AGK: variants seen among roughly 807,000 people sequenced by gnomAD.
AGK encodes the protein acylglycerol kinase.
Under a neutral mutation model 66.4 loss-of-function variants are expected in AGK, and 52 were observed. The ratio of observed to expected loss-of-function variants is 0.78; its 90% confidence interval spans 0.63 to 0.99. The LOEUF (loss-of-function observed/expected upper bound fraction) is 0.99. AGK is among the 50% of genes least tolerant of loss of function. The pLI is 0.00. For missense variants in AGK, 451 were observed against 506.6 expected (o/e 0.89, Z 1.05); for synonymous variants, 182 against 181.1 (o/e 1.00, Z -0.04).
chr7:141,614,200 C>A (rs1796657310), intron 7 of AGK, 22 bp downstream of exon 7: 2 of 1,472,182 alleles, frequency 1.4e-6, no homozygotes, highest in Admixed American at 2.3e-5. Context: ...AGAGTAATTG[C>A]ATTTTAACTT....
chr7:141,552,457 G>A (rs1351675776), intron 1 of AGK, among the ~76,000 whole-genome samples: 1 of 152,174 alleles, frequency 6.6e-6, no homozygotes, highest in Non-Finnish European at 1.5e-5. Context: ...GGGAGTACTT[G>A]TTAACAAGTG....
chr7:141,560,250 T>C (rs1441783084), intron 2 of AGK, among the ~76,000 whole-genome samples: 2 of 152,086 alleles, frequency 1.3e-5, no homozygotes, highest in Admixed American at 6.5e-5. Context: ...TGTGATACTT[T>C]TCCTTTTGTT....
intron 4 of AGK, 37 bp downstream of exon 4, chr7:141,596,678 T>C: frequency 1.3e-6 from 2 of 1,575,204 alleles, no homozygotes; most frequent in African/African-American, 1.3e-5. Context: ...ACTTGCTTTT[T>C]CTAAGGGGGA....
intron 5 of AGK, among the ~76,000 whole-genome samples, chr7:141,608,321 T>C (rs1221657183): frequency 2.0e-5 from 3 of 152,174 alleles, no homozygotes; most frequent in African/African-American, 4.8e-5. Flanking sequence ...TCTGACAAGA[T>C]GAGCTTTGAA....
intron 9 of AGK, among the ~76,000 whole-genome samples, chr7:141,623,672 C>T (rs954288352): frequency 1.3e-5 from 2 of 152,206 alleles, no homozygotes; most frequent in Non-Finnish European, 1.5e-5. Context: ...CAGCAATTAG[C>T]TGATGGAGAA....
intron 13 of AGK, among the ~76,000 whole-genome samples, chr7:141,647,126 C>T (rs1399152783): frequency 1.3e-5 from 2 of 151,040 alleles, no homozygotes; most frequent in Non-Finnish European, 3.0e-5. Context: ...ATCATTGCTC[C>T]TGGGAGCTCC....
chr7:141,641,449 G>C (rs770108600), intron 12 of AGK, 51 bp downstream of exon 12: 37 of 1,555,706 alleles, frequency 2.4e-5, no homozygotes, highest in Non-Finnish European at 3.0e-5. Context: ...GTTTAGAAGT[G>C]CCCTAAAGTA....
intron 2 of AGK, among the ~76,000 whole-genome samples, chr7:141,588,538 C>T (rs1325454596): frequency 6.6e-6 from 1 of 151,876 alleles, no homozygotes; most frequent in Admixed American, 6.6e-5. Context: ...ATCACTTGAA[C>T]CCGGGAGATG....
At chr7:141,562,022 G>A in intron 2 of AGK, 2 of 456,134 alleles carry the variant, frequency 4.4e-6, no homozygotes, top group Admixed American at 2.3e-5. Flanking sequence ...TCCATATTCA[G>A]GTCTCTCAGC....
At chr7:141,551,831 G>A (rs1795095175) in intron 1 of AGK, among the ~76,000 whole-genome samples, 1 of 152,140 alleles carries the variant, frequency 6.6e-6, no homozygotes, top group Non-Finnish European at 1.5e-5. Context: ...CATTCATTCT[G>A]GCGCTTTACT....
At chr7:141,568,974 C>T (rs1041200947) in intron 2 of AGK, among the ~76,000 whole-genome samples, 1 of 152,154 alleles carries the variant, frequency 6.6e-6, no homozygotes, top group African/African-American at 2.4e-5. Context: ...AATTCCTTGA[C>T]ATTAAGCTTG....
chr7:141,567,441 T>C (rs564493243), intron 2 of AGK, among the ~76,000 whole-genome samples: 46 of 152,288 alleles, frequency 3.0e-4, no homozygotes, highest in African/African-American at 1.0e-3. Context: ...TAATTTTTTT[T>C]CTCCATTGAG....
chr7:141,638,687 G>A (rs758310065), intron 11 of AGK, among the ~76,000 whole-genome samples: 4 of 152,128 alleles, frequency 2.6e-5, no homozygotes, highest in Admixed American at 1.3e-4. Context: ...AAAGTCAGAA[G>A]AATGTAGGAT....
Position 141,654,476 on chromosome 7 carries a change from A to G in AGK, c.*1552A>G, listed in dbSNP as rs368236040. ...TCACAGTGCTCTATCATCAAGAATT[A>G]TTAATGATGATCTATCAACTAACAA... On this transcript the variant is annotated 3_prime_UTR_variant, in exon 16 of 16. Transcript: ENST00000649286. The G allele has an allele frequency of 2.0e-5, 3 of 152,256 alleles. No individual in the cohort carries two copies. Among genetic ancestry groups the G allele is most frequent in the Non-Finnish European group, 4.4e-5 (3 of 68,046 alleles). The allele number at this position is 152,256 out of a possible 1,614,324, so 9.4% of individuals were successfully genotyped here.
At chr7:141,593,220 C>G (rs1438150864) in intron 3 of AGK, 35 bp downstream of exon 3, 3 of 1,594,134 alleles carry the variant, frequency 1.9e-6, no homozygotes. Flanking sequence ...TTAAGCCCCT[C>G]CTTATCTTCA....
intron 2 of AGK, among the ~76,000 whole-genome samples, chr7:141,576,782 G>A (rs1795748970): frequency 6.6e-6 from 1 of 152,062 alleles, no homozygotes. Flanking sequence ...GCTCATGCCT[G>A]TAATCCCAGC....
chr7:141,652,574 T>C (rs1797587753), intron 15 of AGK: 2 of 429,614 alleles, frequency 4.7e-6, no homozygotes, highest in Non-Finnish European at 8.3e-6. Flanking sequence ...ATAAATCCTT[T>C]TTCATGGATG....
At chr7:141,625,919 T>G (rs1796929509) in intron 9 of AGK, among the ~76,000 whole-genome samples, 1 of 152,188 alleles carries the variant, frequency 6.6e-6, no homozygotes. Flanking sequence ...GCATGCTAGG[T>G]GGGAATAGAA....
rs939680840 is a variant in AGK at position 141,655,232 on chromosome 7, G to A, written c.*2308G>A. 3 of 152,194 alleles carry A rather than the reference G, an allele frequency of 2.0e-5. No individual in the cohort carries two copies. The highest frequency in any genetic ancestry group is 6.5e-5 in the Admixed American group (1 of 15,286). The allele number at this position is 152,194 out of a possible 1,614,324, so 9.4% of individuals were successfully genotyped here. On this transcript the variant is annotated 3_prime_UTR_variant, in exon 16 of 16. Coordinates refer to ENST00000649286, the MANE Select transcript of AGK (RefSeq NM_018238.4). Reference sequence around the variant, plus strand: ...CTTATTCATTTTTAAATATAAATATGCCTTGTTTCAAACTTTGTTTTCTTG... The same window carrying A: ...CTTATTCATTTTTAAATATAAATATACCTTGTTTCAAACTTTGTTTTCTTG...
Sources: allele counts gnomAD v4.1 joint callset (sites outside exome capture counted in the v4.1 genomes callset), GRCh38; gene constraint gnomAD v4.1.1; transcripts MANE v1.5; gene names NCBI Gene and HGNC (gene_info 2026-07-23, HGNC 2026-07-21).